Variants in CCDC170 observed in about 807,000 individuals in gnomAD.
The protein encoded by CCDC170 is coiled-coil domain-containing protein 170.
In CCDC170, 69 loss-of-function variants were observed where a neutral mutation model predicts 72.6. The ratio of observed to expected loss-of-function variants is 0.95; its 90% CI spans 0.78 to 1.16. The LOEUF is 1.16. CCDC170 is among the 50% of genes most tolerant of loss of function. The probability of loss-of-function intolerance (pLI) is 0.00; values close to 1 mark genes in which losing one functional copy is unlikely to be tolerated. For missense variants in CCDC170, 852 were observed against 832.5 expected (o/e 1.02, Z -0.29); for synonymous variants, 300 against 303.9 (o/e 0.99, Z 0.13).
chr6:151,592,183 C>A (rs534822538), intron 7 of CCDC170, among the ~76,000 whole-genome samples: 1 of 152,082 alleles, frequency 6.6e-6, no homozygotes, highest in East Asian at 2.0e-4. Context: ...TATGGTGAAA[C>A]CCCGTCTCTG....
At chr6:151,526,548 G>T (rs6922704) in intron 1 of CCDC170, among the ~76,000 whole-genome samples, 6,337 of 136,182 alleles carry the variant, frequency 0.047, 454 homozygotes, top group African/African-American at 0.16. Context: ...ATGGAGACTC[G>T]CTCTGTCGCC....
chr6:151,521,350 A>G (rs1268098665), intron 1 of CCDC170, among the ~76,000 whole-genome samples: 1 of 152,228 alleles, frequency 6.6e-6, no homozygotes, highest in Admixed American at 6.5e-5. Context: ...GCACTACAGT[A>G]TAAGATTTGT....
intron 9 of CCDC170, among the ~76,000 whole-genome samples, chr6:151,604,502 G>A (rs1776755926): frequency 6.6e-6 from 1 of 152,180 alleles, no homozygotes; most frequent in African/African-American, 2.4e-5. Flanking sequence ...ATAGGTTTTA[G>A]TGTTCTATAA....
chr6:151,562,858 G>A (rs1282609056), intron 5 of CCDC170, among the ~76,000 whole-genome samples: 1 of 152,154 alleles, frequency 6.6e-6, no homozygotes, highest in East Asian at 1.9e-4. Context: ...GGTGTGCTGA[G>A]GCCTTAGGGG....
At chr6:151,525,088 G>A (rs1315088210) in intron 1 of CCDC170, among the ~76,000 whole-genome samples, 2 of 151,852 alleles carry the variant, frequency 1.3e-5, no homozygotes, top group Non-Finnish European at 2.9e-5. Flanking sequence ...GCCCGCCACT[G>A]CACCCAGCTA....
intron 9 of CCDC170, among the ~76,000 whole-genome samples, chr6:151,613,795 T>C (rs1470604558): frequency 6.6e-6 from 1 of 152,246 alleles, no homozygotes; most frequent in African/African-American, 2.4e-5. Context: ...AATGCTTCTA[T>C]GAACATTTGT....
chr6:151,584,164 C>T (rs771986623), intron 6 of CCDC170, among the ~76,000 whole-genome samples: 25 of 152,100 alleles, frequency 1.6e-4, no homozygotes, highest in Non-Finnish European at 2.4e-4. Flanking sequence ...AAAATATCTG[C>T]GAAGAGCAAT....
chr6:151,521,723 C>G (rs1490360045), intron 1 of CCDC170, among the ~76,000 whole-genome samples: 1 of 152,158 alleles, frequency 6.6e-6, no homozygotes, highest in African/African-American at 2.4e-5. Flanking sequence ...GTGGCTCACG[C>G]CAGTAATCCC....
chr6:151,612,828 T>G (rs1242820892), intron 9 of CCDC170, among the ~76,000 whole-genome samples: 1 of 148,192 alleles, frequency 6.7e-6, no homozygotes, highest in African/African-American at 2.5e-5. Context: ...TTCTTACTTG[T>G]TTTTTTTTAA....
chr6:151,572,338 A>G (rs1776229859), intron 5 of CCDC170, among the ~76,000 whole-genome samples: 1 of 152,192 alleles, frequency 6.6e-6, no homozygotes, highest in Non-Finnish European at 1.5e-5. Flanking sequence ...GTTTTATGCA[A>G]TGATGTTTTT....
At chr6:151,497,695 G>T (rs80285688) in intron 1 of CCDC170, among the ~76,000 whole-genome samples, 21,704 of 151,964 alleles carry the variant, frequency 0.14, 1,730 homozygotes, top group African/African-American at 0.21. Context: ...GTGAAAATGT[G>T]CTGGGTGCGG....
intron 5 of CCDC170, among the ~76,000 whole-genome samples, chr6:151,554,542 C>T (rs561224533): frequency 3.5e-4 from 53 of 152,006 alleles, no homozygotes; most frequent in Middle Eastern, 3.4e-3. Context: ...CTGACCAACA[C>T]GGCAAAACCC....
At chr6:151,609,658 C>T (rs1314643465) in intron 9 of CCDC170, among the ~76,000 whole-genome samples, 3 of 152,156 alleles carry the variant, frequency 2.0e-5, no homozygotes, top group African/African-American at 7.2e-5. Flanking sequence ...CACAGTCTCT[C>T]GCTGAACTCT....
In CCDC170 at chr6:151,617,896, A is replaced by T. The variant is rs1187318110; in HGVS notation, c.1948-51A>T. 6 of 1,565,458 alleles carry T rather than the reference A, an allele frequency of 3.8e-6. No individual in the cohort carries two copies. The African/African-American group carries it at 8.1e-5, about 21-fold the overall frequency. The stretch of plus-strand genomic sequence containing the variant: ...TGTTTGTTGCATTTGGCTCAGCAGT[A>T]GTTGATACATTTTGTTCTCCCAGTT... On this transcript the variant is annotated intron_variant, in intron 10 of 10. Coordinates refer to ENST00000239374, the MANE Select transcript of CCDC170 (RefSeq NM_025059.4).
At chr6:151,608,832 G>C (rs1776825018) in intron 9 of CCDC170, among the ~76,000 whole-genome samples, 1 of 152,194 alleles carries the variant, frequency 6.6e-6, no homozygotes, top group African/African-American at 2.4e-5. Flanking sequence ...GTTTGCCTCA[G>C]CATAAATTTC....
In CCDC170 at chr6:151,508,712, C is replaced by CAAATAAAT. The variant is rs199589985; in HGVS notation, c.57+14541_57+14548dup. On this transcript the variant is annotated intron_variant, in intron 1 of 10. Transcript: ENST00000239374. ...TGGGTGACAGAGTGAGACTCTGTCT[C>CAAATAAAT]AAATAAATAAATAAATAAATAGGCC... is the stretch of plus-strand genomic sequence containing the variant. Among the ~76,000 whole-genome samples, 19 of 149,932 alleles carry CAAATAAAT rather than the reference C, an allele frequency of 1.3e-4. No individual in the cohort carries two copies. The East Asian group carries it at 3.3e-3, about 26-fold the overall frequency.
At chr6:151,558,816 G>A (rs1410091157) in intron 5 of CCDC170, among the ~76,000 whole-genome samples, 4 of 152,084 alleles carry the variant, frequency 2.6e-5, no homozygotes, top group Non-Finnish European at 5.9e-5. Flanking sequence ...ATATTTTGAA[G>A]TCAGTTAGTA....
chr6:151,533,602 G>A (rs1782528199), intron 1 of CCDC170, among the ~76,000 whole-genome samples: 1 of 151,312 alleles, frequency 6.6e-6, no homozygotes, highest in Non-Finnish European at 1.5e-5. Flanking sequence ...AGGAGGTGGA[G>A]GTTGCAGTGA....
At chr6:151,576,384 G>A (rs972930289) in intron 6 of CCDC170, among the ~76,000 whole-genome samples, 1 of 151,980 alleles carries the variant, frequency 6.6e-6, no homozygotes, top group African/African-American at 2.4e-5. Context: ...TCGTCGAGGA[G>A]CATCTGTACT....
Sources: gnomAD v4.1 joint callset for allele counts (sites outside exome capture counted in the v4.1 genomes callset) on GRCh38, gnomAD v4.1.1 for gene constraint, MANE v1.5 for transcripts, NCBI Gene and HGNC (gene_info 2026-07-23, HGNC 2026-07-21) for gene names.